The following RAPH1 variants were observed in gnomAD, a reference collection of about 807,000 sequenced individuals.
RAPH1 encodes ras-associated and pleckstrin homology domains-containing protein 1.
Under a neutral mutation model 88.1 loss-of-function variants are expected in RAPH1, and 18 were observed. The observed-to-expected ratio is 0.20, with a 90% confidence interval of 0.14 to 0.30. RAPH1 has a LOEUF of 0.30. Ranked by LOEUF, RAPH1 falls within the 10% of genes least tolerant of loss-of-function variation. The probability of loss-of-function intolerance (pLI) is 1.00; values close to 1 mark genes in which losing one functional copy is unlikely to be tolerated. For missense variants in RAPH1, 1,448 were observed against 1,543.2 expected (o/e 0.94, Z 1.03); for synonymous variants, 587 against 559.0 (o/e 1.05, Z -0.71).
At position 203,434,655 on chromosome 2, in the gene RAPH1, A is replaced by G. The variant is rs922830768; in HGVS notation, c.*4782T>C. 1 of 152,490 alleles carries G rather than the reference A, an allele frequency of 6.6e-6. No individual in the cohort carries two copies. The highest frequency in any genetic ancestry group is 2.4e-5 in the African/African-American group (1 of 41,430). 9.4% of individuals were successfully genotyped at this position (152,490 alleles called of 1,614,324 possible). A position where few individuals can be genotyped will look rare whatever the true frequency, so the allele number is the denominator to read the frequency against. ...GTTACAATAAATTTAACGAATGGAC[A>G]GTTTGCAAAATATAAGGGTTTCTCC... On this transcript the variant is annotated 3_prime_UTR_variant, in exon 14 of 14. Coordinates refer to ENST00000319170, the MANE Select transcript of RAPH1 (RefSeq NM_213589.3).
chr2:203,479,378 C>A (rs911941906), intron 4 of RAPH1, among the ~76,000 whole-genome samples: 2 of 152,022 alleles, frequency 1.3e-5, no homozygotes, highest in Non-Finnish European at 1.5e-5. Context: ...CTGAGGCGGG[C>A]GCATCACTTG....
intron 1 of RAPH1, among the ~76,000 whole-genome samples, chr2:203,511,373 T>C (rs551516169): frequency 6.6e-6 from 1 of 152,064 alleles, no homozygotes; most frequent in Admixed American, 6.5e-5. Context: ...AATAGAAGAA[T>C]GGTTAGGAAA....
chr2:203,447,927 G>A lies in RAPH1; in HGVS notation c.1633+32C>T, dbSNP rs577910051. On this transcript the variant is annotated intron_variant, in intron 12 of 13. Transcript: ENST00000319170. ...CTCTACAGAGACCTTCATATTAATC[G>A]CAAAATAGTGCTTTGAAGCATTTTG... The A allele has an allele frequency of 1.3e-4, 214 of 1,611,142 alleles. 4 individuals are homozygous for A. The South Asian group carries it at 2.3e-3, about 17-fold the overall frequency.
intron 1 of RAPH1, among the ~76,000 whole-genome samples, chr2:203,514,606 G>C (rs978158355): frequency 1.3e-5 from 2 of 152,036 alleles, no homozygotes; most frequent in African/African-American, 2.4e-5. Context: ...CCAGGCTGGA[G>C]TGCAGTGGCG....
chr2:203,523,053 A>G (rs1422908017), intron 1 of RAPH1, among the ~76,000 whole-genome samples: 3 of 152,166 alleles, frequency 2.0e-5, no homozygotes, highest in Admixed American at 6.5e-5. Flanking sequence ...AACAGAATGG[A>G]AAGTCCAGGA....
chr2:203,454,170 T>A (rs1042193797), intron 10 of RAPH1, among the ~76,000 whole-genome samples: 23 of 152,166 alleles, frequency 1.5e-4, no homozygotes, highest in African/African-American at 5.6e-4. Context: ...AATCTCAAAT[T>A]TATAATCAAA....
In RAPH1 at chr2:203,451,535, T is replaced by A. The variant is rs564451075; in HGVS notation, c.1414-2699A>T. On this transcript the variant is annotated intron_variant, in intron 10 of 13. Transcript: ENST00000319170. ...CCCCACAATATTATGCTGTCATTTT[T>A]AAAATTATACCAGGGTTAAGAGGAA... 4.5e-3 allele frequency among the ~76,000 whole-genome samples: 685 copies of A among 152,308 alleles called. 4 individuals carry two copies. Among genetic ancestry groups the A allele is most frequent in the Admixed American group, 7.5e-3 (115 of 15,300 alleles).
chr2:203,509,662 T>TC (rs1689248349), intron 1 of RAPH1, among the ~76,000 whole-genome samples: 1 of 152,114 alleles, frequency 6.6e-6, no homozygotes. Context: ...TGATCAAATA[T>TC]CCCCCACTGA....
In RAPH1 at chr2:203,495,300, G is replaced by C; in HGVS notation, c.54C>G (p.Asp18Glu). ...EIDHGAEEDS[D>E]KEDQDLDKMF... ...TTTTGTCCAGGTCCTGATCTTCCTT[G>C]TCACTGTCTTCTTCAGCACCATGAT... Residue 18 changes from aspartate (D) to glutamate (E), a missense_variant, in exon 2 of 14, where the codon GAC becomes GAG. Around this residue, in one of 2 missense-constraint regions of RAPH1, gnomAD observed 513 missense variants for 653.1 expected, o/e 0.79. Coordinates refer to ENST00000319170, the MANE Select transcript of RAPH1 (RefSeq NM_213589.3). The C allele has an allele frequency of 6.2e-7, 1 of 1,613,958 alleles. No individual in the cohort carries two copies. The highest frequency in any genetic ancestry group is 8.5e-7 in the Non-Finnish European group (1 of 1,179,930).
intron 4 of RAPH1, among the ~76,000 whole-genome samples, chr2:203,462,438 C>T (rs960518749): frequency 2.6e-5 from 4 of 152,100 alleles, no homozygotes; most frequent in African/African-American, 9.7e-5. Context: ...TATAAAAACC[C>T]TTTAAAAAAT....
chr2:203,484,760 TA>T (rs1687887663), intron 4 of RAPH1, among the ~76,000 whole-genome samples: 1 of 152,212 alleles, frequency 6.6e-6, no homozygotes, highest in Non-Finnish European at 1.5e-5. Flanking sequence ...AGAAAGCAGC[TA>T]ATTCTCAGAT....
chr2:203,512,621 CTTTTTT>C (rs1201403582), intron 1 of RAPH1, among the ~76,000 whole-genome samples: 1 of 125,878 alleles, frequency 7.9e-6, no homozygotes, highest in Non-Finnish European at 1.6e-5. Flanking sequence ...CATCCCTTAC[CTTTTTT>C]TTTTTTTTTT....
In RAPH1 at chr2:203,440,189, C is replaced by T. The variant is rs2098502151; in HGVS notation, c.3001G>A (p.Val1001Ile). The change falls in exon 14 of 14, where the codon GTC (valine) becomes ATC (isoleucine). Residue 1001 changes from valine to isoleucine, a missense_variant. Physicochemically the swap from Val to Ile is conservative, Grantham distance 29 (BLOSUM62 3). Coordinates refer to ENST00000319170, the MANE Select transcript of RAPH1 (RefSeq NM_213589.3). ...EPKRPSVDSL[V>I]SKFTPPAESG... is the part of the protein sequence containing the mutation. ...TCTGCTGGCGGTGTAAACTTGCTGA[C>T]TAGACTGTCCACCGAGGGTCTCTTG... is the stretch of plus-strand genomic sequence containing the variant. The T allele has an allele frequency of 1.9e-6, 3 of 1,613,824 alleles. No individual in the cohort carries two copies. Among genetic ancestry groups the T allele is most frequent in the Non-Finnish European group, 2.5e-6 (3 of 1,179,990 alleles).
rs200381199 is a variant in RAPH1 at position 203,441,270 on chromosome 2, G to A, written c.1920C>T (p.Pro640=). 45 of 1,348,366 alleles carry A rather than the reference G, an allele frequency of 3.3e-5. No individual in the cohort carries two copies. In the East Asian group the frequency reaches 4.0e-4, roughly 12 times the overall value. The allele number at this position is 1,348,366 out of a possible 1,614,324, so 83.5% of individuals were successfully genotyped here. A position where few individuals can be genotyped will look rare whatever the true frequency, so the allele number is the denominator to read the frequency against. Residue 640 remains proline, a synonymous_variant, in exon 14 of 14, where the codon CCC becomes CCT. Transcript: ENST00000319170. ...GTGGGGGAGGAGGGGGTGGTGGAGG[G>A]GGTGGTGGAGGAGGAGGTGGGGGTG... ...PPPPPPPPPP[P]PPPPPPPPLP...
intron 1 of RAPH1, among the ~76,000 whole-genome samples, chr2:203,524,225 A>G (rs115385269): frequency 6.6e-5 from 10 of 152,334 alleles, no homozygotes; most frequent in Non-Finnish European, 8.8e-5. Context: ...AGGTGAATTA[A>G]AGCTACGGTT....
intron 4 of RAPH1, among the ~76,000 whole-genome samples, chr2:203,480,088 TTG>T (rs1362190205): frequency 1.3e-5 from 2 of 152,248 alleles, no homozygotes; most frequent in African/African-American, 4.8e-5. Context: ...GTTGCGCCAT[TTG>T]TGTTTGATAA....
intron 13 of RAPH1, chr2:203,441,798 G>A: frequency 7.8e-7 from 1 of 1,286,810 alleles, no homozygotes; most frequent in Non-Finnish European, 9.8e-7. Flanking sequence ...GACTTCCAAG[G>A]GGAGATGTGA....
intron 2 of RAPH1, among the ~76,000 whole-genome samples, chr2:203,494,121 A>T (rs1688404177): frequency 3.3e-5 from 5 of 152,024 alleles, no homozygotes; most frequent in Admixed American, 2.6e-4. Flanking sequence ...TGAATTCTAG[A>T]TTGCTGCAGA....
At chr2:203,477,223 T>C (rs1687500113) in intron 4 of RAPH1, 2 of 1,146,316 alleles carry the variant, frequency 1.7e-6, no homozygotes, top group East Asian at 2.4e-5. Flanking sequence ...CTCATTACCA[T>C]GCAGGAAGAG....
Sources: gnomAD v4.1 joint callset for allele counts (sites outside exome capture counted in the v4.1 genomes callset) on GRCh38, gnomAD v4.1.1 for gene constraint, gnomAD v4.1.1 regional missense constraint, MANE v1.5 for transcripts, NCBI Gene and HGNC (gene_info 2026-07-23, HGNC 2026-07-21) for gene names.